Variants in SRD5A2 observed in about 807,000 individuals in gnomAD.
SRD5A2 encodes the protein 3-oxo-5-alpha-steroid 4-dehydrogenase 2.
A neutral mutation model predicts 27.4 loss-of-function variants in SRD5A2; 30 were observed. The ratio of observed to expected loss-of-function variants is 1.10; its 90% CI spans 0.82 to 1.49. SRD5A2 has a LOEUF of 1.49. SRD5A2 is among the 40% of genes most tolerant of loss of function. The probability of loss-of-function intolerance (pLI) is 0.00; values close to 1 mark genes in which losing one functional copy is unlikely to be tolerated. For missense variants in SRD5A2, 348 were observed against 323.4 expected (o/e 1.08, Z -0.58); for synonymous variants, 141 against 133.6 (o/e 1.06, Z -0.38).
At chr2:31,551,727 C>T (rs535816568) in intron 1 of SRD5A2, among the ~76,000 whole-genome samples, 35 of 151,852 alleles carry the variant, frequency 2.3e-4, no homozygotes, top group African/African-American at 8.2e-4. Flanking sequence ...TACAGAAAGT[C>T]AAAGGAACTT....
At chr2:31,656,727 G>A in the SRD5A2 span, among the ~76,000 whole-genome samples, 1 of 152,116 alleles carries the variant, frequency 6.6e-6, no homozygotes, top group African/African-American at 2.4e-5. Context: ...GGACTTCTCA[G>A]CCTCGAGAAC....
intron 1 of SRD5A2, among the ~76,000 whole-genome samples, chr2:31,559,524 T>G (rs929232258): frequency 1.3e-5 from 2 of 152,110 alleles, no homozygotes; most frequent in Non-Finnish European, 2.9e-5. Flanking sequence ...TACATTTGCA[T>G]AAAACAAAAA....
chr2:31,532,403 T>A (rs1474270481), intron 2 of SRD5A2, among the ~76,000 whole-genome samples: 1 of 149,512 alleles, frequency 6.7e-6, no homozygotes, highest in South Asian at 2.2e-4. Context: ...ACACACATTC[T>A]GACATTAAAA....
the SRD5A2 span, among the ~76,000 whole-genome samples, chr2:31,656,796 T>C: frequency 1.3e-5 from 2 of 152,168 alleles, no homozygotes; most frequent in African/African-American, 4.8e-5. Flanking sequence ...TTTGGGACAA[T>C]AGCATGAACA....
chr2:31,610,396 T>C, the SRD5A2 span, among the ~76,000 whole-genome samples: 1 of 152,152 alleles, frequency 6.6e-6, no homozygotes, highest in African/African-American at 2.4e-5. Context: ...AAATGTGATA[T>C]GATATCAACA....
intron 2 of SRD5A2, among the ~76,000 whole-genome samples, chr2:31,532,541 C>G (rs1429016995): frequency 1.3e-5 from 2 of 152,134 alleles, no homozygotes; most frequent in Non-Finnish European, 2.9e-5. Context: ...CAGCCAGGAT[C>G]AGGGATGCTA....
the SRD5A2 span, among the ~76,000 whole-genome samples, chr2:31,655,748 A>G: frequency 6.6e-6 from 1 of 152,204 alleles, no homozygotes; most frequent in Non-Finnish European, 1.5e-5. Context: ...ACTCCCCTCC[A>G]TGCTTTAGAA....
chr2:31,647,462 T>G, the SRD5A2 span, among the ~76,000 whole-genome samples: 2 of 152,222 alleles, frequency 1.3e-5, no homozygotes, highest in Admixed American at 1.3e-4. Context: ...TGGTTTTAAC[T>G]ATTAAGTTGC....
chr2:31,558,589 C>A (rs1666549386), intron 1 of SRD5A2, among the ~76,000 whole-genome samples: 1 of 152,176 alleles, frequency 6.6e-6, no homozygotes, highest in Admixed American at 6.5e-5. Context: ...CTGTTTCTCT[C>A]CTCTTATGAG....
the SRD5A2 span, among the ~76,000 whole-genome samples, chr2:31,625,817 T>C: frequency 1.3e-5 from 2 of 152,322 alleles, no homozygotes; most frequent in East Asian, 3.9e-4. Flanking sequence ...TTTGTTATTT[T>C]TGCTTAGGAT....
At chr2:31,597,576 C>T in the SRD5A2 span, among the ~76,000 whole-genome samples, 3 of 151,916 alleles carry the variant, frequency 2.0e-5, no homozygotes. Flanking sequence ...GACTGATATC[C>T]AGAAACTACA....
chr2:31,606,768 GGCATAA>G, the SRD5A2 span, among the ~76,000 whole-genome samples: 1 of 151,788 alleles, frequency 6.6e-6, no homozygotes, highest in Non-Finnish European at 1.5e-5. Context: ...TCACATCGTT[GGCATAA>G]ACAATCAGCC....
the SRD5A2 span, among the ~76,000 whole-genome samples, chr2:31,653,372 A>T: frequency 6.6e-6 from 1 of 152,194 alleles, no homozygotes; most frequent in African/African-American, 2.4e-5. Context: ...TTACACCTTA[A>T]GGTTTTAAGA....
At chr2:31,585,377 A>G (rs1374275024), upstream of SRD5A2, among the ~76,000 whole-genome samples, 3 of 152,138 alleles carry the variant, frequency 2.0e-5, no homozygotes, top group African/African-American at 7.2e-5. Context: ...CACAACTCAC[A>G]ACTCTAAAAG....
Position 31,533,500 on chromosome 2 carries a change from G to C in SRD5A2, c.445+103C>G. ...GGTAGAGGTGAGGGAGGGGAAGATGGGATCATTACGAGGTCATTGCAGTAG... is the reference window on the plus strand; with the variant it reads ...GGTAGAGGTGAGGGAGGGGAAGATGCGATCATTACGAGGTCATTGCAGTAG... On this transcript the variant is annotated intron_variant, in intron 2 of 4. Coordinates refer to ENST00000622030, the MANE Select transcript of SRD5A2 (RefSeq NM_000348.4). 2.8e-6 allele frequency: 3 copies of C among 1,054,216 alleles called. No homozygotes were observed. In the Admixed American group the frequency reaches 6.3e-5, roughly 22 times the overall value. 65.3% of individuals were successfully genotyped at this position (1,054,216 alleles called of 1,614,324 possible). A position where few individuals can be genotyped will look rare whatever the true frequency, so the allele number is the denominator to read the frequency against.
chr2:31,625,079 G>A, the SRD5A2 span, among the ~76,000 whole-genome samples: 1 of 152,138 alleles, frequency 6.6e-6, no homozygotes, highest in East Asian at 1.9e-4. Flanking sequence ...GTATCTCATT[G>A]TGGTTTTGAT....
At chr2:31,636,683 G>A in the SRD5A2 span, among the ~76,000 whole-genome samples, 1 of 152,014 alleles carries the variant, frequency 6.6e-6, no homozygotes, top group Non-Finnish European at 1.5e-5. Flanking sequence ...TTATCATAAA[G>A]GGGTGCCGAA....
the SRD5A2 span, among the ~76,000 whole-genome samples, chr2:31,600,389 A>G: frequency 2.0e-5 from 3 of 151,880 alleles, no homozygotes; most frequent in Non-Finnish European, 4.4e-5. Flanking sequence ...TTTTGGTTTC[A>G]CCTCTTTGAG....
chr2:31,550,333 T>G (rs550495784), intron 1 of SRD5A2, among the ~76,000 whole-genome samples: 1 of 151,928 alleles, frequency 6.6e-6, no homozygotes, highest in South Asian at 2.1e-4. Flanking sequence ...CAATTCTATG[T>G]GATTTCTTCC....
Sources: gnomAD v4.1 joint callset for allele counts (sites outside exome capture counted in the v4.1 genomes callset) on GRCh38, gnomAD v4.1.1 for gene constraint, MANE v1.5 for transcripts, NCBI Gene and HGNC (gene_info 2026-07-23, HGNC 2026-07-21) for gene names.